PROX1: variants seen among roughly 807,000 people sequenced by gnomAD.
The protein encoded by PROX1 is prospero homeobox protein 1.
PROX1 carries 7 observed loss-of-function variants against 58.8 expected under a neutral mutation model. The ratio of observed to expected loss-of-function variants is 0.12; its 90% CI spans 0.07 to 0.22. The LOEUF is 0.22. Ranked by LOEUF, PROX1 falls within the 10% of genes least tolerant of loss-of-function variation. The pLI is 1.00. For missense variants in PROX1, 675 were observed against 927.8 expected (o/e 0.73, Z 3.54); for synonymous variants, 350 against 358.3 (o/e 0.98, Z 0.26).
intron 4 of PROX1, among the ~76,000 whole-genome samples, chr1:214,020,101 A>G (rs1664231325): frequency 6.6e-6 from 1 of 152,184 alleles, no homozygotes; most frequent in South Asian, 2.1e-4. Context: ...TCAAACTTGC[A>G]ATCTGAAAAG....
At chr1:214,005,091 G>A (rs1663659039) in intron 2 of PROX1, 74 bp from the exon 3 acceptor site, 1 of 1,155,370 alleles carries the variant, frequency 8.7e-7, no homozygotes. Flanking sequence ...CTCTATGGAG[G>A]TGGGGACTGG....
chr1:214,027,126 C>A (rs1035850591), intron 4 of PROX1, among the ~76,000 whole-genome samples: 6 of 152,132 alleles, frequency 3.9e-5, no homozygotes, highest in Non-Finnish European at 7.3e-5. Flanking sequence ...CCCTGCAACT[C>A]TTTCCGTCTG....
Position 213,997,144 on chromosome 1 carries a change from T to A in PROX1, c.609T>A (p.Ser203Arg), listed in dbSNP as rs1486164261. 6 of 1,608,516 alleles carry A rather than the reference T, an allele frequency of 3.7e-6. No individual in the cohort carries two copies. In the African/African-American group the frequency reaches 6.8e-5, roughly 18 times the overall value. Residue 203 changes from serine (S) to arginine (R), a missense_variant, in exon 2 of 5, where the codon AGT (serine) becomes AGA (arginine). Physicochemically the swap from Ser to Arg is moderately radical, Grantham distance 110. This residue lies in a region of PROX1 where 403 missense variants were observed against 477.4 expected (regional missense o/e 0.84). Coordinates refer to ENST00000366958, the MANE Select transcript of PROX1 (RefSeq NM_001270616.2). This position sits in a 1 kb window ranked among gnomAD's most constrained non-coding sequence, Gnocchi z 7.1. ...CGCAGTCTGTGAGTCCCCGAGAAAG[T>A]TACAGAGAAAACAAACGCAAGCAAA... ...MAPQSVSPRESYRENKRKQKL... is the reference protein window; with the variant it reads ...MAPQSVSPRERYRENKRKQKL...
At chr1:214,000,165 C>T (rs1053620537) in intron 2 of PROX1, among the ~76,000 whole-genome samples, 5 of 152,180 alleles carry the variant, frequency 3.3e-5, no homozygotes, top group Non-Finnish European at 5.9e-5. Flanking sequence ...CCACACTAAG[C>T]TCTTTAGTTC....
chr1:214,004,986 G>A (rs984365170), intron 2 of PROX1, among the ~76,000 whole-genome samples, 179 bp from the exon 3 acceptor site: 4 of 152,268 alleles, frequency 2.6e-5, no homozygotes, highest in South Asian at 2.1e-4. Flanking sequence ...GACAGGCGAC[G>A]GTCACTGAGC....
At chr1:213,983,572 G>T (rs1303909527), upstream of PROX1, among the ~76,000 whole-genome samples, 1 of 152,306 alleles carries the variant, frequency 6.6e-6, no homozygotes, top group Non-Finnish European at 1.5e-5. Context: ...GTTGCGGCCC[G>T]AGACTGCCTT....
Position 214,036,942 on chromosome 1 carries a change from A to G in PROX1, c.*1108A>G, listed in dbSNP as rs1475827906. ...CCTGATGGGTATGCAAAGTGGTGACAGTCTAACTCAGTGTTTCTTCATTTT... is the reference window on the plus strand; with the variant it reads ...CCTGATGGGTATGCAAAGTGGTGACGGTCTAACTCAGTGTTTCTTCATTTT... On this transcript the variant is annotated 3_prime_UTR_variant, in exon 5 of 5. Transcript: ENST00000366958. 6.6e-6 allele frequency: 1 copy of G among 152,254 alleles called. No individual in the cohort carries two copies. Among genetic ancestry groups the G allele is most frequent in the African/African-American group, 2.4e-5 (1 of 41,468 alleles). 9.4% of individuals were successfully genotyped at this position (152,254 alleles called of 1,614,324 possible).
rs908277394 is a variant in PROX1, at chr1:214,037,040, G to C, written c.*1206G>C. ...GCTAGTATTGACCAAAATGTGAGAAGAGTGTATAGCATAGGAAAATTTGGG... is the reference window on the plus strand; with the variant it reads ...GCTAGTATTGACCAAAATGTGAGAACAGTGTATAGCATAGGAAAATTTGGG... On this transcript the variant is annotated 3_prime_UTR_variant, in exon 5 of 5. Transcript: ENST00000366958. 3.3e-5 allele frequency: 5 copies of C among 152,238 alleles called. No individual in the cohort carries two copies. Among genetic ancestry groups the C allele is most frequent in the African/African-American group, 1.2e-4 (5 of 41,470 alleles). The allele number at this position is 152,238 out of a possible 1,614,324, so 9.4% of individuals were successfully genotyped here. A position where few individuals can be genotyped will look rare whatever the true frequency, so the allele number is the denominator to read the frequency against.
At chr1:214,028,791 G>A (rs1019441156) in intron 4 of PROX1, 1 of 152,200 alleles carries the variant, frequency 6.6e-6, no homozygotes, top group Non-Finnish European at 1.5e-5. Context: ...GGGCCTGTTA[G>A]TCCCCGGCTG....
At chr1:214,023,514 G>A (rs1170403898) in intron 4 of PROX1, among the ~76,000 whole-genome samples, 1 of 152,086 alleles carries the variant, frequency 6.6e-6, no homozygotes, top group Non-Finnish European at 1.5e-5. Context: ...GCATCACTAT[G>A]CCCAGCCAGA....
chr1:214,002,412 C>CTTTTTTT (rs774337530), intron 2 of PROX1, among the ~76,000 whole-genome samples: 26 of 116,366 alleles, frequency 2.2e-4, no homozygotes, highest in Admixed American at 2.9e-4. Context: ...TTTCTTTTTT[C>CTTTTTTT]TTTTTTTTTT....
chr1:214,002,389 C>CTTTTCTTTTTTTTTTCTT (rs924073531), intron 2 of PROX1, among the ~76,000 whole-genome samples: 2 of 137,322 alleles, frequency 1.5e-5, no homozygotes, highest in African/African-American at 5.4e-5. Context: ...GATTTATCAT[C>CTTTTCTTTTTTTTTTCTT]TTTTCTTTTT....
upstream of PROX1, among the ~76,000 whole-genome samples, chr1:213,986,806 G>C (rs1330474660): frequency 2.0e-5 from 3 of 152,206 alleles, no homozygotes; most frequent in Non-Finnish European, 4.4e-5. Flanking sequence ...TGAAAGGGAC[G>C]TTCTAGCTGC....
At chr1:214,024,086 T>C (rs913894509) in intron 4 of PROX1, among the ~76,000 whole-genome samples, 2 of 152,180 alleles carry the variant, frequency 1.3e-5, no homozygotes, top group Non-Finnish European at 2.9e-5. Context: ...TCCTAGGTAT[T>C]GACAGCATCC....
rs74139094 is a variant in PROX1 at position 214,039,832 on chromosome 1, A to T, written c.*3998A>T. ...ACACACACACACACACACACACACA[A>T]ACACACACACTGTCATAAAGCTAAT... On this transcript the variant is annotated 3_prime_UTR_variant, in exon 5 of 5. Transcript: ENST00000366958. 2 of 134,412 alleles carry T rather than the reference A, an allele frequency of 1.5e-5. No homozygotes were observed. The highest frequency in any genetic ancestry group is 1.4e-4 in the Admixed American group (2 of 14,278). The allele number at this position is 134,412 out of a possible 1,614,324, so 8.3% of individuals were successfully genotyped here.
At chr1:214,009,502 A>C (rs1378229482) in intron 3 of PROX1, among the ~76,000 whole-genome samples, 1 of 152,174 alleles carries the variant, frequency 6.6e-6, no homozygotes, top group Non-Finnish European at 1.5e-5. Flanking sequence ...AAAACTGAAC[A>C]AATTTTAGTT....
intron 3 of PROX1, among the ~76,000 whole-genome samples, chr1:214,008,957 C>T (rs1006616277): frequency 6.6e-6 from 1 of 152,152 alleles, no homozygotes; most frequent in African/African-American, 2.4e-5. Context: ...GATCGATGGG[C>T]CGCACCAGCT....
At chr1:214,007,649 A>G (rs1007622674) in intron 3 of PROX1, among the ~76,000 whole-genome samples, 2 of 152,232 alleles carry the variant, frequency 1.3e-5, no homozygotes, top group Non-Finnish European at 2.9e-5. Flanking sequence ...GTGAATATTG[A>G]CAATGTATAC....
chr1:214,016,592 C>T (rs1476780283), intron 4 of PROX1, among the ~76,000 whole-genome samples: 2 of 152,098 alleles, frequency 1.3e-5, no homozygotes, highest in Non-Finnish European at 2.9e-5. Context: ...CCAGTCCCAC[C>T]GTTGACAAGC....
Sources: allele counts gnomAD v4.1 joint callset (sites outside exome capture counted in the v4.1 genomes callset), GRCh38; gene constraint gnomAD v4.1.1; regional missense constraint gnomAD v4.1.1; non-coding constraint Gnocchi (gnomAD v3.1); transcripts MANE v1.5; gene names NCBI Gene and HGNC (gene_info 2026-07-23, HGNC 2026-07-21).